The following CCDC149 variants were observed in gnomAD, a reference collection of about 807,000 sequenced individuals.
CCDC149 encodes coiled-coil domain-containing protein 149.
A neutral mutation model predicts 59.9 loss-of-function variants in CCDC149; 45 were observed. The ratio of observed to expected loss-of-function variants is 0.75; its 90% CI spans 0.59 to 0.96. The LOEUF is 0.96. Ranked by LOEUF, CCDC149 falls within the 40% of genes least tolerant of loss-of-function variation. The probability of loss-of-function intolerance (pLI) is 0.00; values close to 1 mark genes in which losing one functional copy is unlikely to be tolerated. For missense variants in CCDC149, 584 were observed against 664.7 expected, an observed-to-expected ratio of 0.88 and a Z score of 1.33; for synonymous variants, 245 against 260.6, an observed-to-expected ratio of 0.94 and a Z score of 0.58.
intron 4 of CCDC149, among the ~76,000 whole-genome samples, chr4:24,847,282 C>A (rs1717349776): frequency 6.6e-6 from 1 of 152,198 alleles, no homozygotes; most frequent in Non-Finnish European, 1.5e-5. Flanking sequence ...ACAACAGCAA[C>A]ACTTACCCTC....
intron 1 of CCDC149, among the ~76,000 whole-genome samples, chr4:24,958,816 G>A (rs987296255): frequency 6.6e-6 from 1 of 152,114 alleles, no homozygotes; most frequent in African/African-American, 2.4e-5. Context: ...CAGATCCCTT[G>A]AGGTCAGGAG....
At chr4:24,812,287 T>C (rs1448470609) in intron 12 of CCDC149, among the ~76,000 whole-genome samples, 1 of 152,232 alleles carries the variant, frequency 6.6e-6, no homozygotes, top group African/African-American at 2.4e-5. Flanking sequence ...TTGATTCTGA[T>C]ATTTCCTTCT....
At chr4:24,867,583 A>G (rs1718778532) in intron 3 of CCDC149, among the ~76,000 whole-genome samples, 1 of 152,246 alleles carries the variant, frequency 6.6e-6, no homozygotes, top group Non-Finnish European at 1.5e-5. Context: ...CGGCTCTTAA[A>G]TGTGGTCCAT....
intron 3 of CCDC149, among the ~76,000 whole-genome samples, chr4:24,866,430 G>C (rs761788440): frequency 3.9e-5 from 6 of 152,138 alleles, no homozygotes; most frequent in Non-Finnish European, 7.4e-5. Flanking sequence ...ATTAACCCGA[G>C]ATAATTTAAT....
At chr4:24,949,221 A>T (rs1486563806) in intron 1 of CCDC149, among the ~76,000 whole-genome samples, 3 of 152,188 alleles carry the variant, frequency 2.0e-5, no homozygotes, top group Non-Finnish European at 2.9e-5. Context: ...AAGACCCCAC[A>T]GAAATGTGGC....
Position 24,896,567 on chromosome 4 carries a change from T to C in CCDC149, c.63+16250A>G, listed in dbSNP as rs552867008. Among the ~76,000 whole-genome samples, 48 of 152,164 alleles carry C rather than the reference T, an allele frequency of 3.2e-4. 1 individual carries two copies. The highest frequency in any genetic ancestry group is 1.7e-3 in the Admixed American group (26 of 15,274). ...ACAGGTCAGATCCCATTACAGAAAGTAGCTCTTTATAACCAAATGATTTCC... is the reference window on the plus strand; with the variant it reads ...ACAGGTCAGATCCCATTACAGAAAGCAGCTCTTTATAACCAAATGATTTCC... On this transcript the variant is annotated intron_variant, in intron 1 of 12. Transcript: ENST00000635206.
At chr4:24,846,345 C>T (rs1054795306) in intron 4 of CCDC149, among the ~76,000 whole-genome samples, 1 of 152,140 alleles carries the variant, frequency 6.6e-6, no homozygotes, top group Non-Finnish European at 1.5e-5. Flanking sequence ...TTCTATAGTG[C>T]CCCAAGGCGA....
chr4:24,856,873 G>T (rs952199251), intron 3 of CCDC149, among the ~76,000 whole-genome samples: 1 of 152,182 alleles, frequency 6.6e-6, no homozygotes, highest in Non-Finnish European at 1.5e-5. Flanking sequence ...CCAGATGGAG[G>T]GCCAGGCCAT....
chr4:24,922,061 T>C (rs1452356439), intron 1 of CCDC149, among the ~76,000 whole-genome samples: 1 of 152,212 alleles, frequency 6.6e-6, no homozygotes, highest in Non-Finnish European at 1.5e-5. Context: ...CTTCACATCA[T>C]CTTTCCTTTA....
chr4:24,894,377 G>A (rs535265471), intron 1 of CCDC149, among the ~76,000 whole-genome samples: 1 of 152,258 alleles, frequency 6.6e-6, no homozygotes, highest in South Asian at 2.1e-4. Context: ...GAGAGAGGGT[G>A]AAGAGAGGCA....
intron 4 of CCDC149, among the ~76,000 whole-genome samples, chr4:24,850,011 C>T (rs1412237673): frequency 3.3e-5 from 5 of 152,188 alleles, no homozygotes; most frequent in Non-Finnish European, 5.9e-5. Context: ...GGGTTAGTCC[C>T]CCCTCTGTTG....
Position 24,893,613 on chromosome 4 carries a change from C to CT in CCDC149, c.64-16917dup, listed in dbSNP as rs3066508. On this transcript the variant is annotated intron_variant, in intron 1 of 12. Coordinates refer to ENST00000635206, the MANE Select transcript of CCDC149 (RefSeq NM_001330643.2). ...CTTCTAGCACAATCTAAAATACAGA[C>CT]TTTTTTTTTTTTTTTTTTTTTGAGA... Among the ~76,000 whole-genome samples, 53 of 65,876 alleles carry CT rather than the reference C, an allele frequency of 8.0e-4. 8 individuals carry two copies. Among genetic ancestry groups the CT allele is most frequent in the African/African-American group, 2.7e-3 (47 of 17,688 alleles). The allele number at this position is 65,876 out of a possible 152,430, so 43.2% of individuals were successfully genotyped here.
At chr4:24,832,925 G>T (rs1716252643) in intron 8 of CCDC149, among the ~76,000 whole-genome samples, 1 of 152,122 alleles carries the variant, frequency 6.6e-6, no homozygotes, top group African/African-American at 2.4e-5. Context: ...GCTTGAAATG[G>T]CTTAAATTGC....
intron 1 of CCDC149, among the ~76,000 whole-genome samples, chr4:24,972,630 C>G (rs574299640): frequency 6.6e-6 from 1 of 152,178 alleles, no homozygotes; most frequent in East Asian, 1.9e-4. Context: ...TGCCCAAATT[C>G]CTAAGAGGCC....
In CCDC149 at chr4:24,837,752, G is replaced by C. The variant is rs914030854; in HGVS notation, c.490-352C>G. ...TCTTGTTCTGCTCTTCAGTTAGTAAGAGGAAGAAAATGAACTTTAGGCTCT... is the reference window on the plus strand; with the variant it reads ...TCTTGTTCTGCTCTTCAGTTAGTAACAGGAAGAAAATGAACTTTAGGCTCT... On this transcript the variant is annotated intron_variant, in intron 5 of 12. Transcript: ENST00000635206. The surrounding 1 kb of genome is among the most constrained non-coding windows in gnomAD (Gnocchi z 4.3). Among the ~76,000 whole-genome samples, 6 of 152,206 alleles carry C rather than the reference G, an allele frequency of 3.9e-5. No homozygotes were observed. The highest frequency in any genetic ancestry group is 3.9e-4 in the Admixed American group (6 of 15,280).
chr4:24,873,769 C>T (rs1429137571), intron 2 of CCDC149, 50 bp from the exon 3 acceptor site: 2 of 1,430,706 alleles, frequency 1.4e-6, no homozygotes, highest in East Asian at 2.3e-5. Context: ...AATAGATGTA[C>T]TTAGAAACAA....
chr4:24,808,290 T>C lies in CCDC149; in HGVS notation c.*99A>G. ...GTTTTCTCACTTGCAGACTCGGAGG[T>C]ATTTCAGGAGAAGGCGACGTGAGCG... On this transcript the variant is annotated 3_prime_UTR_variant, in exon 13 of 13. Transcript: ENST00000635206. 9.1e-7 allele frequency: 1 copy of C among 1,094,442 alleles called. No individual in the cohort carries two copies. The highest frequency in any genetic ancestry group is 1.2e-6 in the Non-Finnish European group (1 of 807,056). The allele number at this position is 1,094,442 out of a possible 1,614,324, so 67.8% of individuals were successfully genotyped here.
Position 24,885,597 on chromosome 4 carries a change from G to T in CCDC149, c.64-8900C>A, listed in dbSNP as rs192780683. 2.9e-4 allele frequency among the ~76,000 whole-genome samples: 44 copies of T among 152,296 alleles called. No individual in the cohort carries two copies. The East Asian group carries it at 8.1e-3, about 28-fold the overall frequency. On this transcript the variant is annotated intron_variant, in intron 1 of 12. Coordinates refer to ENST00000635206, the MANE Select transcript of CCDC149 (RefSeq NM_001330643.2). ...CAGTGGGCGAGTGGGTCACATGGCT[G>T]CCCAAACACACTCCAAAGGGCCAAG...
chr4:24,851,830 T>A (rs373597243), intron 4 of CCDC149, among the ~76,000 whole-genome samples: 88 of 152,284 alleles, frequency 5.8e-4, no homozygotes, highest in Admixed American at 1.6e-3. Flanking sequence ...GGAGTTTAAA[T>A]CCTTTTAATG....
Sources: allele counts gnomAD v4.1 joint callset (sites outside exome capture counted in the v4.1 genomes callset), GRCh38; gene constraint gnomAD v4.1.1; non-coding constraint Gnocchi (gnomAD v3.1); transcripts MANE v1.5; gene names NCBI Gene and HGNC (gene_info 2026-07-23, HGNC 2026-07-21).